CDH19: variants seen among roughly 807,000 people sequenced by gnomAD.
CDH19 encodes the protein cadherin-19.
In CDH19, 67 loss-of-function variants were observed where a neutral mutation model predicts 64.2. The ratio of observed to expected loss-of-function variants is 1.04; its 90% confidence interval spans 0.86 to 1.28. The LOEUF (loss-of-function observed/expected upper bound fraction) is 1.28. CDH19 is among the 50% of genes most tolerant of loss of function. CDH19 has a pLI of 0.00. For missense variants in CDH19, 1,030 were observed against 929.0 expected (o/e 1.11, Z -1.41); for synonymous variants, 346 against 319.3 (o/e 1.08, Z -0.89).
chr18:66,587,923 A>C (rs931642829), intron 1 of CDH19, among the ~76,000 whole-genome samples: 1 of 152,194 alleles, frequency 6.6e-6, no homozygotes, highest in Non-Finnish European at 1.5e-5. Flanking sequence ...TCATAATTCA[A>C]TGGTACAGTA....
chr18:66,547,702 C>G (rs1247757853), intron 5 of CDH19, among the ~76,000 whole-genome samples: 3 of 114,524 alleles, frequency 2.6e-5, no homozygotes, highest in Non-Finnish European at 4.9e-5. Context: ...GAGTCTCGCT[C>G]TGTCGCCCAG....
In CDH19 at chr18:66,504,017, A is replaced by G. The variant is rs1243509015; in HGVS notation, c.*795T>C. The G allele has an allele frequency of 1.3e-5, 2 of 151,988 alleles. No homozygotes were observed. The highest frequency in any genetic ancestry group is 2.4e-5 in the African/African-American group (1 of 41,450). The allele number at this position is 151,988 out of a possible 1,614,324, so 9.4% of individuals were successfully genotyped here. ...TATTCTTACAGTGTGAAAGATGAAA[A>G]TTGAGTAAATAAAATAACACTAAGA... On this transcript the variant is annotated 3_prime_UTR_variant, in exon 12 of 12. Transcript: ENST00000262150.
At position 66,592,592 on chromosome 18, in the gene CDH19, G is replaced by A. The variant is rs150039415; in HGVS notation, c.-113+11362C>T. 4.0e-5 allele frequency among the ~76,000 whole-genome samples: 6 copies of A among 151,410 alleles called. No homozygotes were observed. In the East Asian group the frequency reaches 9.7e-4, roughly 24 times the overall value. On this transcript the variant is annotated intron_variant, in intron 1 of 11. Transcript: ENST00000262150. ...ATAATTCTTCACTCTATTTCTGTTA[G>A]CTTAATTTTATTCTAGCTTTCAAAT...
rs140758775 is a variant in CDH19 at position 66,571,732 on chromosome 18, C to A, written c.195+278G>T. 2.0e-5 allele frequency among the ~76,000 whole-genome samples: 3 copies of A among 151,490 alleles called. No homozygotes were observed. The Admixed American group carries it at 2.0e-4, about 10-fold the overall frequency. Reference sequence around the variant, plus strand: ...TCACTGTGACTGCTTAGATTCATTACCAAAAATAACGCAATAAAGTTTCCA... The same window carrying A: ...TCACTGTGACTGCTTAGATTCATTAACAAAAATAACGCAATAAAGTTTCCA... On this transcript the variant is annotated intron_variant, in intron 2 of 11. Transcript: ENST00000262150.
At position 66,536,265 on chromosome 18, in the gene CDH19, T is replaced by C. The variant is rs947497643; in HGVS notation, c.1215-1158A>G. Among the ~76,000 whole-genome samples the C allele has an allele frequency of 9.2e-5, 14 of 151,766 alleles. No homozygotes were observed. In the South Asian group the frequency reaches 1.0e-3, roughly 11 times the overall value. On this transcript the variant is annotated intron_variant, in intron 7 of 11. Coordinates refer to ENST00000262150, the MANE Select transcript of CDH19 (RefSeq NM_021153.4). ...AGAATATTTTAATTTTGAGTTCAAG[T>C]ATTTCCAAAAACATTATGCTACTTT...
At position 66,513,095 on chromosome 18, in the gene CDH19, A is replaced by G. The variant is rs1031091072; in HGVS notation, c.1459-1410T>C. 4.0e-5 allele frequency among the ~76,000 whole-genome samples: 6 copies of G among 151,590 alleles called. No homozygotes were observed. In the South Asian group the frequency reaches 1.0e-3, roughly 26 times the overall value. ...ATGCACATTTGCTGAAATAAGATTGATAACAAAGTATAGAATTCATGTTTA... is the reference window on the plus strand; with the variant it reads ...ATGCACATTTGCTGAAATAAGATTGGTAACAAAGTATAGAATTCATGTTTA... On this transcript the variant is annotated intron_variant, in intron 9 of 11. Transcript: ENST00000262150.
At position 66,588,189 on chromosome 18, in the gene CDH19, T is replaced by C. The variant is rs377237805; in HGVS notation, c.-113+15765A>G. On this transcript the variant is annotated intron_variant, in intron 1 of 11. Transcript: ENST00000262150. ...TGGTTGTTCATCTACAAGGCCCCAG[T>C]CTGAGTGAGTGTGACCATGTGAGGG... 1.8e-4 allele frequency among the ~76,000 whole-genome samples: 28 copies of C among 152,150 alleles called. 1 individual carries two copies. In the East Asian group the frequency reaches 3.9e-3, roughly 21 times the overall value.
At chr18:66,577,339 A>C (rs1228427774) in intron 1 of CDH19, among the ~76,000 whole-genome samples, 1 of 151,954 alleles carries the variant, frequency 6.6e-6, no homozygotes, top group African/African-American at 2.4e-5. Context: ...ACTTTAACAC[A>C]TAATGCTACA....
At position 66,521,471 on chromosome 18, in the gene CDH19, G is replaced by T. The variant is rs148738971; in HGVS notation, c.1458+8374C>A. On this transcript the variant is annotated intron_variant, in intron 9 of 11. Coordinates refer to ENST00000262150, the MANE Select transcript of CDH19 (RefSeq NM_021153.4). ...GACAGAATGACTTCTTCAGGATTTT[G>T]CAAATAATTATCTTCTCACTTATCT... is the stretch of plus-strand genomic sequence containing the variant. Among the ~76,000 whole-genome samples, 1,146 of 151,838 alleles carry T rather than the reference G, an allele frequency of 7.5e-3. 9 individuals are homozygous for T. Among genetic ancestry groups the T allele is most frequent in the African/African-American group, 0.026 (1,068 of 41,420 alleles).
intron 11 of CDH19, among the ~76,000 whole-genome samples, chr18:66,507,555 T>A (rs1985262172): frequency 6.6e-6 from 1 of 151,836 alleles, no homozygotes; most frequent in South Asian, 2.1e-4. Context: ...GAAAGCCTGA[T>A]TAAGACCTTT....
At chr18:66,524,542 G>GTATATATATATATATATATA (rs72219868) in intron 9 of CDH19, among the ~76,000 whole-genome samples, 5 of 94,552 alleles carry the variant, frequency 5.3e-5, no homozygotes, top group African/African-American at 9.1e-5. Flanking sequence ...ATGTTTGTGT[G>GTATATATATATATATATATA]TATATATATA....
intron 7 of CDH19, among the ~76,000 whole-genome samples, 165 bp downstream of exon 7, chr18:66,543,806 C>G (rs113701002): frequency 6.6e-6 from 1 of 152,074 alleles, no homozygotes; most frequent in African/African-American, 2.4e-5. Context: ...TCGCTTGAAC[C>G]TGGGAAGCAG....
chr18:66,591,798 T>A (rs1321120640), intron 1 of CDH19, among the ~76,000 whole-genome samples: 5 of 151,884 alleles, frequency 3.3e-5, no homozygotes, highest in African/African-American at 1.2e-4. Context: ...TGGGGTTCTA[T>A]TTTGAAGACA....
Position 66,573,859 on chromosome 18 carries a change from C to T in CDH19, c.-112-1543G>A, listed in dbSNP as rs142179658. Among the ~76,000 whole-genome samples the T allele has an allele frequency of 8.2e-3, 1,216 of 148,898 alleles. 10 individuals are homozygous for T. The highest frequency in any genetic ancestry group is 0.028 in the African/African-American group (1,139 of 40,930). On this transcript the variant is annotated intron_variant, in intron 1 of 11. Transcript: ENST00000262150. ...CGTGCTCACTTTTTAATATTAAAAC[C>T]AATTTCAAATTCATATCATTTTAAC...
chr18:66,559,182 G>T (rs1987628877), intron 3 of CDH19, among the ~76,000 whole-genome samples: 1 of 151,644 alleles, frequency 6.6e-6, no homozygotes, highest in Non-Finnish European at 1.5e-5. Context: ...TTTTAAAATT[G>T]TATTTCCATG....
chr18:66,544,061 T>G lies in CDH19; in HGVS notation c.1124A>C (p.Tyr375Ser), dbSNP rs1338072800. ...GGTTTCTTCAAAAACTTCAAATACA[T>G]AATATGGAAGGAGGAAAAGAGGAGG... is the stretch of plus-strand genomic sequence containing the variant. ...DEPPLFLLPY[Y>S]VFEVFEETPQ... The change falls in exon 7 of 12, where the codon TAT becomes TCT. Residue 375 changes from tyrosine to serine, a missense_variant. Tyr to Ser is a moderately radical substitution (Grantham distance 144). Coordinates refer to ENST00000262150, the MANE Select transcript of CDH19 (RefSeq NM_021153.4). The G allele has an allele frequency of 6.2e-7, 1 of 1,613,506 alleles. No individual in the cohort carries two copies. Among genetic ancestry groups the G allele is most frequent in the African/African-American group, 1.3e-5 (1 of 74,806 alleles).
At chr18:66,523,695 T>C (rs959963088) in intron 9 of CDH19, among the ~76,000 whole-genome samples, 1 of 151,630 alleles carries the variant, frequency 6.6e-6, no homozygotes, top group Admixed American at 6.6e-5. Context: ...GTACATTTGG[T>C]ACATTAGGGT....
At chr18:66,577,276 T>C (rs1231088059) in intron 1 of CDH19, among the ~76,000 whole-genome samples, 2 of 151,850 alleles carry the variant, frequency 1.3e-5, no homozygotes, top group African/African-American at 4.8e-5. Context: ...GGGCTTAGAA[T>C]AACTCAAAGA....
chr18:66,601,198 C>T (rs573639287), intron 1 of CDH19, among the ~76,000 whole-genome samples: 1 of 151,920 alleles, frequency 6.6e-6, no homozygotes, highest in South Asian at 2.1e-4. Context: ...CTCCACCAGG[C>T]CTTTTTAGGA....
Sources: allele counts gnomAD v4.1 joint callset (sites outside exome capture counted in the v4.1 genomes callset), GRCh38; gene constraint gnomAD v4.1.1; transcripts MANE v1.5; gene names NCBI Gene and HGNC (gene_info 2026-07-23, HGNC 2026-07-21).